Variants in TENT2 observed in about 807,000 individuals in gnomAD.
The protein encoded by TENT2 is poly(A) RNA polymerase GLD2.
TENT2 carries 44 observed loss-of-function variants against 72.2 expected under a neutral mutation model. The observed-to-expected ratio is 0.61, with a 90% CI of 0.48 to 0.78. TENT2 has a LOEUF of 0.78. Among genes scored for constraint, TENT2 ranks in the 30% least tolerant of loss-of-function variants. TENT2 has a pLI of 0.00. For synonymous variants in TENT2, 212 were observed against 192.5 expected (o/e 1.10, Z -0.84); for missense variants, 541 against 569.6 (o/e 0.95, Z 0.51).
At chr5:79,638,139 G>T (rs186617168) in intron 4 of TENT2, among the ~76,000 whole-genome samples, 78 of 152,106 alleles carry the variant, frequency 5.1e-4, no homozygotes, top group Non-Finnish European at 9.1e-4. Flanking sequence ...TACTTCCTTA[G>T]TGCCTTTGCT....
At chr5:79,653,202 G>A (rs1396854982) in intron 10 of TENT2, among the ~76,000 whole-genome samples, 1 of 152,048 alleles carries the variant, frequency 6.6e-6, no homozygotes, top group African/African-American at 2.4e-5. Flanking sequence ...TTTAAATTAG[G>A]GCCAGGCACA....
rs1417812519 is a variant in TENT2, at chr5:79,688,138, TG to T, written c.*2866del. ...GTTCATTACCTCCAGACATAATGCA[TG>T]CATACCAGCTCGTGTAACTGGTGAA... On this transcript the variant is annotated 3_prime_UTR_variant, in exon 15 of 15. Coordinates refer to ENST00000453514, the MANE Select transcript of TENT2 (RefSeq NM_001114394.3). Among the ~76,000 whole-genome samples, 3 of 152,248 alleles carry T rather than the reference TG, an allele frequency of 2.0e-5. No homozygotes were observed. The highest frequency in any genetic ancestry group is 4.4e-5 in the Non-Finnish European group (3 of 68,048).
intron 1 of TENT2, among the ~76,000 whole-genome samples, chr5:79,614,785 C>G (rs1238995789): frequency 1.3e-5 from 2 of 151,968 alleles, no homozygotes; most frequent in Non-Finnish European, 2.9e-5. Flanking sequence ...TTGTGAAACT[C>G]TACAGTCTCT....
At chr5:79,663,021 T>C (rs1460370281) in intron 11 of TENT2, among the ~76,000 whole-genome samples, 1 of 152,230 alleles carries the variant, frequency 6.6e-6, no homozygotes. Flanking sequence ...TAACTTGCTA[T>C]AGCTTCTTCA....
At position 79,640,889 on chromosome 5, in the gene TENT2, G is replaced by A. The variant is rs983069116; in HGVS notation, c.504G>A (p.Gln168=). The A allele has an allele frequency of 6.2e-6, 10 of 1,611,044 alleles. No homozygotes were observed. The African/African-American group carries it at 9.4e-5, about 15-fold the overall frequency. The change falls in exon 5 of 15, where the codon CAG becomes CAA. Residue 168 remains glutamine (Q), a synonymous_variant. Coordinates refer to ENST00000453514, the MANE Select transcript of TENT2 (RefSeq NM_001114394.3). ...QQILELFETC[Q]QQISDLKKKE... is the part of the protein sequence containing the mutation. ...TACTGGAGTTATTTGAAACATGTCA[G>A]CAGCAAATAAGTGATTTAAAGAAGA...
chr5:79,627,563 G>T (rs927485659), intron 4 of TENT2, among the ~76,000 whole-genome samples: 1 of 152,040 alleles, frequency 6.6e-6, no homozygotes, highest in Non-Finnish European at 1.5e-5. Flanking sequence ...ATGGCTCACT[G>T]CGACCTCCAT....
chr5:79,613,444 T>A (rs1444637459), intron 1 of TENT2, among the ~76,000 whole-genome samples: 3 of 152,258 alleles, frequency 2.0e-5, no homozygotes, highest in Admixed American at 2.0e-4. Context: ...AGATTGTAAC[T>A]GATTACTAAA....
chr5:79,638,742 A>G (rs1782170051), intron 4 of TENT2, among the ~76,000 whole-genome samples: 1 of 152,132 alleles, frequency 6.6e-6, no homozygotes, highest in Non-Finnish European at 1.5e-5. Flanking sequence ...ACTCCTGAGT[A>G]TTCATGATGA....
chr5:79,640,205 G>A (rs946232306), intron 4 of TENT2, among the ~76,000 whole-genome samples: 29 of 151,180 alleles, frequency 1.9e-4, no homozygotes, highest in African/African-American at 6.6e-4. Context: ...GCAGTGAGCC[G>A]AGATCGCACC....
Position 79,641,095 on chromosome 5 carries a change from G to C in TENT2, c.581-10G>C. 3.2e-6 allele frequency: 5 copies of C among 1,556,656 alleles called. No homozygotes were observed. The highest frequency in any genetic ancestry group is 4.3e-6 in the Non-Finnish European group (5 of 1,160,690). ...TTAAATACTCTTATTACTTTCTTCT[G>C]TTTCTTTAGAAAGCAGACTTTTTTT... On this transcript the variant is annotated splice_polypyrimidine_tract_variant and intron_variant, in intron 5 of 14. Transcript: ENST00000453514.
chr5:79,662,645 G>C (rs1385424470), intron 11 of TENT2, among the ~76,000 whole-genome samples: 1 of 152,072 alleles, frequency 6.6e-6, no homozygotes, highest in Non-Finnish European at 1.5e-5. Flanking sequence ...CTCAACAGTG[G>C]GCTTAAAATA....
chr5:79,645,545 A>T (rs1175193565), intron 8 of TENT2, among the ~76,000 whole-genome samples: 1 of 152,152 alleles, frequency 6.6e-6, no homozygotes, highest in Non-Finnish European at 1.5e-5. Flanking sequence ...GGTTTGTTTT[A>T]AATACAGTTA....
At chr5:79,623,154 G>T in intron 3 of TENT2, 98 bp from the exon 4 acceptor site, 1 of 808,392 alleles carries the variant, frequency 1.2e-6, no homozygotes. Context: ...GAATCATATT[G>T]TCATTATCTC....
chr5:79,672,985 T>C (rs1814177222), intron 12 of TENT2, among the ~76,000 whole-genome samples: 1 of 152,196 alleles, frequency 6.6e-6, no homozygotes, highest in South Asian at 2.1e-4. Context: ...TAAAAGCCAT[T>C]TTAAGTGGGG....
At chr5:79,654,130 T>C (rs1436985078) in intron 10 of TENT2, among the ~76,000 whole-genome samples, 1 of 152,070 alleles carries the variant, frequency 6.6e-6, no homozygotes, top group Non-Finnish European at 1.5e-5. Context: ...AATTATAATT[T>C]AAGAGTTAAT....
chr5:79,618,795 T>G (rs1762480140), intron 1 of TENT2, among the ~76,000 whole-genome samples: 1 of 152,208 alleles, frequency 6.6e-6, no homozygotes, highest in South Asian at 2.1e-4. Flanking sequence ...GACATTTTCT[T>G]GATGGACTCC....
In TENT2 at chr5:79,686,235, G is replaced by C. The variant is rs554538428; in HGVS notation, c.*962G>C. On this transcript the variant is annotated 3_prime_UTR_variant, in exon 15 of 15. Transcript: ENST00000453514. ...CAGTAAGTCACCACAAAATGTTTTAGATAAGACACAATAAAATTATTATAA... is the reference window on the plus strand; with the variant it reads ...CAGTAAGTCACCACAAAATGTTTTACATAAGACACAATAAAATTATTATAA... The C allele has an allele frequency of 2.0e-5, 3 of 152,430 alleles. No homozygotes were observed. The highest frequency in any genetic ancestry group is 1.3e-4 in the Admixed American group (2 of 15,272). The allele number at this position is 152,430 out of a possible 1,614,324, so 9.4% of individuals were successfully genotyped here.
intron 12 of TENT2, among the ~76,000 whole-genome samples, chr5:79,669,640 G>A (rs76405179): frequency 1.3e-5 from 2 of 152,024 alleles, no homozygotes; most frequent in East Asian, 3.9e-4. Flanking sequence ...AAAAGCTTGA[G>A]GGGGGAAGAG....
intron 12 of TENT2, 139 bp downstream of exon 12, chr5:79,669,167 T>G: frequency 9.2e-7 from 1 of 1,085,244 alleles, no homozygotes; most frequent in East Asian, 2.6e-5. Context: ...TGTTGTAAAG[T>G]TGTCCAGAAA....
Sources: allele counts gnomAD v4.1 joint callset (sites outside exome capture counted in the v4.1 genomes callset), GRCh38; gene constraint gnomAD v4.1.1; transcripts MANE v1.5; gene names NCBI Gene and HGNC (gene_info 2026-07-23, HGNC 2026-07-21).